Variants in GPR158 observed in about 807,000 individuals in gnomAD.
The protein encoded by GPR158 is metabotropic glycine receptor.
GPR158 carries 30 observed loss-of-function variants against 78.2 expected under a neutral mutation model. The observed-to-expected ratio is 0.38, with a 90% CI of 0.29 to 0.52. The LOEUF is 0.52. Ranked by LOEUF, GPR158 falls within the 20% of genes least tolerant of loss-of-function variation. The pLI, the probability that GPR158 is intolerant of heterozygous loss-of-function variation, is 0.83. For missense variants in GPR158, 1,463 were observed against 1,523.5 expected (o/e 0.96, Z 0.66); for synonymous variants, 581 against 591.1 (o/e 0.98, Z 0.25).
rs186368741 is a variant in GPR158 at position 25,441,244 on chromosome 10, C to T, written c.1336-25407C>T. Among the ~76,000 whole-genome samples the T allele has an allele frequency of 7.4e-4, 113 of 152,324 alleles. 1 individual carries two copies. Among genetic ancestry groups the T allele is most frequent in the Non-Finnish European group, 1.1e-3 (72 of 68,028 alleles). On this transcript the variant is annotated intron_variant, in intron 4 of 10. Coordinates refer to ENST00000376351, the MANE Select transcript of GPR158 (RefSeq NM_020752.3). ...AATCACAGAAGTCATGGTTCTGGTG[C>T]TCTGTCTGGCTACCTGCTTCTATTT...
chr10:25,504,898 G>A (rs1036500665), intron 5 of GPR158, among the ~76,000 whole-genome samples: 15 of 152,208 alleles, frequency 9.9e-5, no homozygotes, highest in Admixed American at 7.9e-4. Flanking sequence ...ATTGAGAGCA[G>A]TTGCAGTTCA....
intron 2 of GPR158, among the ~76,000 whole-genome samples, chr10:25,340,423 A>G (rs1168718045): frequency 6.6e-6 from 1 of 152,102 alleles, no homozygotes; most frequent in Non-Finnish European, 1.5e-5. Flanking sequence ...TATCAAATGT[A>G]TATGTTAAAC....
At chr10:25,296,681 T>C (rs1485099187) in intron 2 of GPR158, among the ~76,000 whole-genome samples, 1 of 151,814 alleles carries the variant, frequency 6.6e-6, no homozygotes, top group African/African-American at 2.4e-5. Flanking sequence ...CCAGATGTGA[T>C]TCTAAGTGCT....
At chr10:25,374,772 G>A (rs1002668163) in intron 2 of GPR158, among the ~76,000 whole-genome samples, 4 of 151,718 alleles carry the variant, frequency 2.6e-5, no homozygotes, top group African/African-American at 9.7e-5. Context: ...TAATATGGAT[G>A]TACTATGTTG....
At chr10:25,306,025 C>T (rs7083989) in intron 2 of GPR158, among the ~76,000 whole-genome samples, 30,632 of 151,846 alleles carry the variant, frequency 0.2, 5,191 homozygotes, top group African/African-American at 0.47. Context: ...TCCCTCTCTA[C>T]TCCCGTTATT....
intron 1 of GPR158, among the ~76,000 whole-genome samples, chr10:25,186,048 A>T (rs1477819580): frequency 1.3e-5 from 2 of 152,216 alleles, no homozygotes; most frequent in Non-Finnish European, 2.9e-5. Flanking sequence ...CAATCAAACT[A>T]GAACTCAGGA....
At chr10:25,289,493 C>T (rs1156746818) in intron 2 of GPR158, among the ~76,000 whole-genome samples, 3 of 152,008 alleles carry the variant, frequency 2.0e-5, no homozygotes, top group East Asian at 1.9e-4. Flanking sequence ...AGTGCAGTGG[C>T]GCCATCTCGG....
intron 7 of GPR158, among the ~76,000 whole-genome samples, chr10:25,588,398 A>C (rs1837298439): frequency 6.6e-6 from 1 of 152,210 alleles, no homozygotes; most frequent in African/African-American, 2.4e-5. Context: ...TGATCAAACA[A>C]GGTGATTGTG....
At chr10:25,463,145 C>T (rs1177607941) in intron 4 of GPR158, among the ~76,000 whole-genome samples, 1 of 152,188 alleles carries the variant, frequency 6.6e-6, no homozygotes, top group Non-Finnish European at 1.5e-5. Flanking sequence ...AGACCCTCCA[C>T]CAGCAAAAAG....
chr10:25,369,138 T>C (rs1348255634), intron 2 of GPR158, among the ~76,000 whole-genome samples: 3 of 151,754 alleles, frequency 2.0e-5, no homozygotes, highest in Non-Finnish European at 4.4e-5. Context: ...CTTCCTCTTT[T>C]CCTAATTGAA....
intron 1 of GPR158, among the ~76,000 whole-genome samples, chr10:25,209,439 A>G (rs903550071): frequency 6.8e-6 from 1 of 146,564 alleles, no homozygotes; most frequent in Non-Finnish European, 1.5e-5. Flanking sequence ...GAATGAGTAA[A>G]TTGTATCTTT....
intron 2 of GPR158, among the ~76,000 whole-genome samples, chr10:25,227,224 G>A (rs1853385954): frequency 2.0e-5 from 3 of 152,174 alleles, no homozygotes; most frequent in Admixed American, 6.5e-5. Flanking sequence ...GGACAAGCTG[G>A]CTGTTTTAGA....
At chr10:25,245,420 TA>T (rs939703371) in intron 2 of GPR158, among the ~76,000 whole-genome samples, 67 of 149,300 alleles carry the variant, frequency 4.5e-4, no homozygotes, top group East Asian at 2.0e-3. Flanking sequence ...AAGAAAGGAT[TA>T]AAAAAAAAAC....
intron 2 of GPR158, among the ~76,000 whole-genome samples, chr10:25,234,928 GCAA>G (rs1312542704): frequency 6.6e-6 from 1 of 152,144 alleles, no homozygotes; most frequent in Non-Finnish European, 1.5e-5. Context: ...CCATATATAT[GCAA>G]AATGAAAAGT....
intron 2 of GPR158, among the ~76,000 whole-genome samples, chr10:25,293,936 A>G (rs1854475453): frequency 1.3e-5 from 2 of 152,018 alleles, no homozygotes; most frequent in Admixed American, 6.6e-5. Flanking sequence ...TAGCAGAGAC[A>G]GGGTTTCACC....
intron 2 of GPR158, among the ~76,000 whole-genome samples, chr10:25,316,931 G>GTA (rs758461572): frequency 0.032 from 3,087 of 95,690 alleles, 96 homozygotes; most frequent in African/African-American, 0.076. Context: ...GTGTATGTGT[G>GTA]TGTATATATA....
chr10:25,436,618 C>G (rs1482950568), intron 4 of GPR158, among the ~76,000 whole-genome samples: 1 of 152,066 alleles, frequency 6.6e-6, no homozygotes, highest in Non-Finnish European at 1.5e-5. Flanking sequence ...GAAAATCCAG[C>G]CAACTATCAG....
At chr10:25,342,873 C>T (rs1855321694) in intron 2 of GPR158, among the ~76,000 whole-genome samples, 1 of 149,368 alleles carries the variant, frequency 6.7e-6, no homozygotes, top group South Asian at 2.1e-4. Context: ...CTTAACGTTT[C>T]TGGTTAGGAG....
chr10:25,470,139 T>C (rs1835478764), intron 5 of GPR158, among the ~76,000 whole-genome samples: 1 of 152,128 alleles, frequency 6.6e-6, no homozygotes, highest in Admixed American at 6.6e-5. Context: ...GCACTCAATA[T>C]GTAGATCGAG....
Sources: allele counts gnomAD v4.1 joint callset (sites outside exome capture counted in the v4.1 genomes callset), GRCh38; gene constraint gnomAD v4.1.1; transcripts MANE v1.5; gene names NCBI Gene and HGNC (gene_info 2026-07-23, HGNC 2026-07-21).